Variants in STRN4 observed in about 807,000 individuals in gnomAD.
STRN4 encodes striatin 4.
Under a neutral mutation model 77.9 loss-of-function variants are expected in STRN4, and 27 were observed. The observed-to-expected ratio is 0.35, with a 90% CI of 0.26 to 0.48. The LOEUF is 0.48. Among genes scored for constraint, STRN4 ranks in the 20% least tolerant of loss-of-function variants. The pLI is 0.99. For missense variants in STRN4, 798 were observed against 1,049.7 expected, an observed-to-expected ratio of 0.76 and a Z score of 3.31; for synonymous variants, 466 against 443.1, an observed-to-expected ratio of 1.05 and a Z score of -0.65.
chr19:46,723,852 G>A lies in STRN4; in HGVS notation c.1595-568C>T, dbSNP rs1057313102. On this transcript the variant is annotated intron_variant, in intron 12 of 17. Transcript: ENST00000263280. This position sits in a 1 kb window ranked among gnomAD's most constrained non-coding sequence, Gnocchi z 5.5. ...TGTAGCTGGGACCGATCCTGACCTTGTGCAGGTGAGCCTGTTCTCTAAAGT... is the reference window on the plus strand; with the variant it reads ...TGTAGCTGGGACCGATCCTGACCTTATGCAGGTGAGCCTGTTCTCTAAAGT... Among the ~76,000 whole-genome samples the A allele has an allele frequency of 6.6e-6, 1 of 152,194 alleles. No homozygotes were observed. The highest frequency in any genetic ancestry group is 2.4e-5 in the African/African-American group (1 of 41,442).
Position 46,738,195 on chromosome 19 carries a change from CT to C in STRN4, c.428del (p.Gln143ArgfsTer95). On this transcript the variant is annotated frameshift_variant, in exon 3 of 18. Coordinates refer to ENST00000263280, the MANE Select transcript of STRN4 (RefSeq NM_013403.3). LOFTEE classifies it high-confidence loss of function. The surrounding 1 kb of genome is among the most constrained non-coding windows in gnomAD (Gnocchi z 4.5). ...CTGACACATCTGCTTTCTTCTCCCC[CT>C]GGTTCAGGTCTGTCCCAAACTTCAG... The part of the protein sequence containing the change: ...HKLKFGTDLN[Q>X]GEKKADVSEQ... 2 of 1,614,230 alleles carry C rather than the reference CT, an allele frequency of 1.2e-6. No homozygotes were observed. Among genetic ancestry groups the C allele is most frequent in the Non-Finnish European group, 1.7e-6 (2 of 1,180,040 alleles).
Position 46,723,013 on chromosome 19 carries a change from G to T in STRN4, c.1766-63C>A. 1.9e-6 allele frequency: 3 copies of T among 1,601,706 alleles called. No homozygotes were observed. The highest frequency in any genetic ancestry group is 1.7e-6 in the Non-Finnish European group (2 of 1,172,858). ...CTCAGACCCAGCCCTGCCCCAGGGTGGGGGACAGTGGGTGGGAGGCCTGGG... is the reference window on the plus strand; with the variant it reads ...CTCAGACCCAGCCCTGCCCCAGGGTTGGGGACAGTGGGTGGGAGGCCTGGG... On this transcript the variant is annotated intron_variant, in intron 13 of 17. Transcript: ENST00000263280. The surrounding 1 kb of genome is among the most constrained non-coding windows in gnomAD (Gnocchi z 5.5).
chr19:46,723,095 C>T lies in STRN4; in HGVS notation c.1765+19G>A. 2 of 1,558,604 alleles carry T rather than the reference C, an allele frequency of 1.3e-6. No individual in the cohort carries two copies. The highest frequency in any genetic ancestry group is 1.7e-6 in the Non-Finnish European group (2 of 1,151,652). On this transcript the variant is annotated intron_variant, in intron 13 of 17. Coordinates refer to ENST00000263280, the MANE Select transcript of STRN4 (RefSeq NM_013403.3). The surrounding 1 kb of genome is among the most constrained non-coding windows in gnomAD (Gnocchi z 5.5). The stretch of plus-strand genomic sequence containing the variant: ...GATCCCGCACAGCTCCAGGGTGAGG[C>T]ACCGGGGCCCCCACTCACCGCTGGC...
At chr19:46,724,746 C>A in intron 12 of STRN4, 61 bp downstream of exon 12, 1 of 1,610,482 alleles carries the variant, frequency 6.2e-7, no homozygotes, top group Non-Finnish European at 8.5e-7. Flanking sequence ...CGTGTGTGTG[C>A]GTGGAGGGGA....
At position 46,741,347 on chromosome 19, in the gene STRN4, C is replaced by T. The variant is rs2054470280; in HGVS notation, c.283-2459G>A. On this transcript the variant is annotated intron_variant, in intron 1 of 17. Coordinates refer to ENST00000263280, the MANE Select transcript of STRN4 (RefSeq NM_013403.3). This position sits in a 1 kb window ranked among gnomAD's most constrained non-coding sequence, Gnocchi z 4.9. The stretch of plus-strand genomic sequence containing the variant: ...CCCCTTCATCCCTCTGCTGCCTCAT[C>T]GAGCTGTGGTCTCCCTCCTCCTAAT... 6.6e-6 allele frequency among the ~76,000 whole-genome samples: 1 copy of T among 152,222 alleles called. No individual in the cohort carries two copies. Among genetic ancestry groups the T allele is most frequent in the African/African-American group, 2.4e-5 (1 of 41,458 alleles).
chr19:46,734,313 T>C (rs2054314572), intron 4 of STRN4, among the ~76,000 whole-genome samples: 1 of 152,236 alleles, frequency 6.6e-6, no homozygotes, highest in Admixed American at 6.5e-5. Context: ...TTTAGCACAG[T>C]GCCAGGCACG....
At chr19:46,722,659 T>A in intron 14 of STRN4, 151 bp downstream of exon 14, 1 of 1,269,272 alleles carries the variant, frequency 7.9e-7, no homozygotes, top group East Asian at 2.4e-5. Flanking sequence ...CCGGGGGCCC[T>A]CCACTGGGAC....
chr19:46,728,916 CTGG>C, intron 6 of STRN4, 139 bp from the exon 7 acceptor site: 1 of 1,288,622 alleles, frequency 7.8e-7, no homozygotes. Context: ...GCCAGCTGCC[CTGG>C]AGCGCCCCCT....
rs114722105 is a variant in STRN4, at chr19:46,734,661, G to A, written c.540-1425C>T. ...AACTAATTAATATGGAGAGATGTTC[G>A]TAACTCTTTTTTGTTGTTGTTAAGA... On this transcript the variant is annotated intron_variant, in intron 4 of 17. Transcript: ENST00000263280. Among the ~76,000 whole-genome samples, 521 of 152,174 alleles carry A rather than the reference G, an allele frequency of 3.4e-3. 3 individuals are homozygous for A. Among genetic ancestry groups the A allele is most frequent in the African/African-American group, 0.012 (479 of 41,512 alleles).
At chr19:46,734,838 G>C (rs2054326696) in intron 4 of STRN4, among the ~76,000 whole-genome samples, 1 of 152,108 alleles carries the variant, frequency 6.6e-6, no homozygotes, top group African/African-American at 2.4e-5. Flanking sequence ...CTAATTTTTT[G>C]TATTTTTAGT....
At chr19:46,725,906 G>A (rs2054101931) in intron 9 of STRN4, 3 of 511,894 alleles carry the variant, frequency 5.9e-6, no homozygotes, top group Non-Finnish European at 1.1e-5. Flanking sequence ...TTGCAGTTGA[G>A]AGGAAGGGGA....
intron 5 of STRN4, chr19:46,731,507 T>C (rs1382442630): frequency 6.5e-6 from 1 of 153,002 alleles, no homozygotes; most frequent in Non-Finnish European, 1.5e-5. Flanking sequence ...CAATTCCAAG[T>C]GCAGATCGAC....
chr19:46,728,165 A>G (rs2054166058), intron 7 of STRN4, 158 bp from the exon 8 acceptor site: 2 of 760,226 alleles, frequency 2.6e-6, no homozygotes, highest in Non-Finnish European at 4.6e-6. Flanking sequence ...GAGGAGGTTG[A>G]TTGGGCCCCT....
rs76000629 is a variant in STRN4 at position 46,739,751 on chromosome 19, C to A, written c.283-863G>T. Among the ~76,000 whole-genome samples the A allele has an allele frequency of 1.2e-4, 18 of 152,368 alleles. No individual in the cohort carries two copies. In the East Asian group the frequency reaches 3.3e-3, roughly 28 times the overall value. Reference sequence around the variant, plus strand: ...CACTTACTCGCTACATGATCTTACGCAGGTCATCAGCCTTCTCTGAGCCTC... The same window carrying A: ...CACTTACTCGCTACATGATCTTACGAAGGTCATCAGCCTTCTCTGAGCCTC... On this transcript the variant is annotated intron_variant, in intron 1 of 17. Transcript: ENST00000263280.
rs1019306333 is a variant in STRN4, at chr19:46,741,149, G to A, written c.283-2261C>T. Among the ~76,000 whole-genome samples the A allele has an allele frequency of 6.6e-6, 1 of 152,194 alleles. No homozygotes were observed. The highest frequency in any genetic ancestry group is 1.5e-5 in the Non-Finnish European group (1 of 68,026). ...GAGACTAGAGGGAGGGAGCAGGAGAGCGGCAGAGCTGGACACAGAGACCCC... is the reference window on the plus strand; with the variant it reads ...GAGACTAGAGGGAGGGAGCAGGAGAACGGCAGAGCTGGACACAGAGACCCC... On this transcript the variant is annotated intron_variant, in intron 1 of 17. Coordinates refer to ENST00000263280, the MANE Select transcript of STRN4 (RefSeq NM_013403.3). The surrounding 1 kb of genome is among the most constrained non-coding windows in gnomAD (Gnocchi z 4.9).
chr19:46,732,874 C>A (rs1460340337), intron 5 of STRN4, among the ~76,000 whole-genome samples, 165 bp downstream of exon 5: 1 of 152,180 alleles, frequency 6.6e-6, no homozygotes, highest in Non-Finnish European at 1.5e-5. Flanking sequence ...TCCGGGGGAT[C>A]CCAGCAGTGA....
At chr19:46,740,638 T>G (rs985087846) in intron 1 of STRN4, among the ~76,000 whole-genome samples, 3 of 151,858 alleles carry the variant, frequency 2.0e-5, no homozygotes, top group African/African-American at 7.3e-5. Context: ...CAGGGGCAGT[T>G]CAGCCTGCCG....
intron 5 of STRN4, chr19:46,731,339 C>T (rs745610807): frequency 1.2e-5 from 2 of 168,386 alleles, no homozygotes; most frequent in South Asian, 2.7e-4. Flanking sequence ...CAGCCAGCCT[C>T]GCGCAAGCAG....
chr19:46,735,280 TG>T (rs1262612998), intron 4 of STRN4, among the ~76,000 whole-genome samples: 1 of 152,078 alleles, frequency 6.6e-6, no homozygotes, highest in Admixed American at 6.6e-5. Flanking sequence ...CACTCCACTC[TG>T]GGTGAAAGAG....
Sources: gnomAD v4.1 joint callset for allele counts (sites outside exome capture counted in the v4.1 genomes callset) on GRCh38, gnomAD v4.1.1 for gene constraint, Gnocchi (gnomAD v3.1) non-coding constraint, MANE v1.5 for transcripts, NCBI Gene and HGNC (gene_info 2026-07-23, HGNC 2026-07-21) for gene names.